Variants in DLG2 observed in about 807,000 individuals in gnomAD.
DLG2 encodes disks large homolog 2.
In DLG2, 45 loss-of-function variants were observed where a neutral mutation model predicts 132.5. The ratio of observed to expected loss-of-function variants is 0.34; its 90% CI spans 0.27 to 0.44. The LOEUF (loss-of-function observed/expected upper bound fraction) is 0.44, where lower values mean the gene tolerates loss of function less well. DLG2 is among the 20% of genes least tolerant of loss of function. The pLI, the probability that DLG2 is intolerant of heterozygous loss-of-function variation, is 1.00. For synonymous variants in DLG2, 424 were observed against 419.6 expected (o/e 1.01, Z -0.13); for missense variants, 1,045 against 1,196.9 (o/e 0.87, Z 1.87).
chr11:83,948,990 GA>G (rs1178378360), intron 14 of DLG2, among the ~76,000 whole-genome samples: 1 of 152,104 alleles, frequency 6.6e-6, no homozygotes, highest in Non-Finnish European at 1.5e-5. Flanking sequence ...ATATTTTATG[GA>G]AAATACTTAG....
intron 8 of DLG2, among the ~76,000 whole-genome samples, chr11:84,187,138 A>C (rs542675431): frequency 6.7e-6 from 1 of 149,970 alleles, no homozygotes; most frequent in African/African-American, 2.4e-5. Flanking sequence ...TAAGTAAAGT[A>C]TTATATATAA....
In DLG2 at chr11:83,518,224, G is replaced by A. The variant is rs563728737; in HGVS notation, c.2193+14484C>T. Among the ~76,000 whole-genome samples, 136 of 152,292 alleles carry A rather than the reference G, an allele frequency of 8.9e-4. 2 individuals carry two copies. The highest frequency in any genetic ancestry group is 7.5e-3 in the South Asian group (36 of 4,828). ...CCTACTCAAGCCTTGGCAATGGCGG[G>A]AGCCCCTCCCCCAGCCTTGCTGCCA... On this transcript the variant is annotated intron_variant, in intron 21 of 27. Transcript: ENST00000376104.
chr11:84,443,737 T>C (rs566820211), intron 7 of DLG2, among the ~76,000 whole-genome samples: 16 of 152,188 alleles, frequency 1.1e-4, no homozygotes, highest in Non-Finnish European at 2.1e-4. Context: ...AATAGGGTTA[T>C]ATTTTTCTTA....
chr11:85,148,259 G>A (rs1379483281), intron 5 of DLG2, among the ~76,000 whole-genome samples: 1 of 152,052 alleles, frequency 6.6e-6, no homozygotes, highest in Admixed American at 6.6e-5. Flanking sequence ...ATTCCTTTGG[G>A]TATATACCTA....
intron 12 of DLG2, among the ~76,000 whole-genome samples, chr11:83,970,292 C>A (rs1461617338): frequency 6.6e-6 from 1 of 152,156 alleles, no homozygotes; most frequent in Non-Finnish European, 1.5e-5. Flanking sequence ...TTACCTTCAA[C>A]AACATTTTCA....
chr11:84,195,852 A>G, intron 8 of DLG2, among the ~76,000 whole-genome samples: 1 of 152,106 alleles, frequency 6.6e-6, no homozygotes, highest in East Asian at 1.9e-4. Flanking sequence ...TGTTTATTTA[A>G]TGTTGGTTTC....
At chr11:84,348,422 GAAGA>G (rs759915772) in intron 7 of DLG2, among the ~76,000 whole-genome samples, 1 of 152,110 alleles carries the variant, frequency 6.6e-6, no homozygotes, top group African/African-American at 2.4e-5. Flanking sequence ...TTCTATCCAA[GAAGA>G]AAGATATTCC....
chr11:85,280,881 A>T (rs1426799015), intron 4 of DLG2, among the ~76,000 whole-genome samples: 6 of 151,960 alleles, frequency 3.9e-5, no homozygotes, highest in African/African-American at 1.2e-4. Flanking sequence ...AAGGTCATTT[A>T]TTTTTTATTC....
At chr11:85,393,563 C>T (rs987672117) in intron 3 of DLG2, among the ~76,000 whole-genome samples, 4 of 151,570 alleles carry the variant, frequency 2.6e-5, no homozygotes, top group African/African-American at 9.7e-5. Flanking sequence ...AATGGACCAG[C>T]CCAAATGCCC....
chr11:83,735,378 G>A (rs1416972718), intron 18 of DLG2, among the ~76,000 whole-genome samples: 1 of 152,212 alleles, frequency 6.6e-6, no homozygotes, highest in East Asian at 1.9e-4. Context: ...CAGGCAGAGA[G>A]GTGGAATCCT....
chr11:83,791,944 A>T (rs1293303019), intron 17 of DLG2, among the ~76,000 whole-genome samples: 1 of 152,184 alleles, frequency 6.6e-6, no homozygotes, highest in African/African-American at 2.4e-5. Flanking sequence ...CTCTCCTTAC[A>T]TACATATTTT....
At chr11:84,302,046 C>T (rs796337635) in intron 7 of DLG2, among the ~76,000 whole-genome samples, 1 of 152,136 alleles carries the variant, frequency 6.6e-6, no homozygotes, top group African/African-American at 2.4e-5. Context: ...ACATCCTTTG[C>T]AGGGACATGG....
At position 84,705,279 on chromosome 11, in the gene DLG2, G is replaced by T. The variant is rs536881414; in HGVS notation, c.358-170548C>A. Among the ~76,000 whole-genome samples the T allele has an allele frequency of 9.9e-5, 15 of 151,768 alleles. No individual in the cohort carries two copies. The South Asian group carries it at 2.7e-3, about 27-fold the overall frequency. On this transcript the variant is annotated intron_variant, in intron 6 of 27. Coordinates refer to ENST00000376104, the MANE Select transcript of DLG2 (RefSeq NM_001142699.3). ...AATTTTCCAGAGATTTCCTTCCCCT[G>T]GACTATCTCATGCCTACATGTCTAA...
intron 3 of DLG2, among the ~76,000 whole-genome samples, chr11:85,389,606 A>G (rs2086632183): frequency 6.6e-6 from 1 of 152,166 alleles, no homozygotes; most frequent in Non-Finnish European, 1.5e-5. Flanking sequence ...GAGCTACAAG[A>G]CAAAATCATC....
At chr11:84,207,081 C>CTCTA (rs148707321) in intron 8 of DLG2, among the ~76,000 whole-genome samples, 45,074 of 146,702 alleles carry the variant, frequency 0.31, 7,550 homozygotes, top group Non-Finnish European at 0.37. Flanking sequence ...CTCTCTCTCT[C>CTCTA]TATATATATA....
At chr11:84,742,807 C>T (rs2064855482) in intron 6 of DLG2, among the ~76,000 whole-genome samples, 1 of 152,106 alleles carries the variant, frequency 6.6e-6, no homozygotes, top group African/African-American at 2.4e-5. Flanking sequence ...GCCTATTCAT[C>T]CCTTTACCTA....
chr11:85,460,835 C>G (rs985244661), intron 3 of DLG2, among the ~76,000 whole-genome samples: 2 of 152,148 alleles, frequency 1.3e-5, no homozygotes, highest in Non-Finnish European at 2.9e-5. Flanking sequence ...GGTTAGACAT[C>G]TTGTAATTTA....
At chr11:83,537,759 G>A (rs2095922233) in intron 20 of DLG2, among the ~76,000 whole-genome samples, 1 of 131,944 alleles carries the variant, frequency 7.6e-6, no homozygotes, top group Non-Finnish European at 1.6e-5. Context: ...AGGTTGCAGT[G>A]AGTTGGGATT....
intron 17 of DLG2, among the ~76,000 whole-genome samples, chr11:83,813,654 A>G (rs973243578): frequency 6.6e-6 from 1 of 152,144 alleles, no homozygotes; most frequent in Non-Finnish European, 1.5e-5. Context: ...CCTGTTACGA[A>G]CTCTTGCTTT....
Sources: allele counts gnomAD v4.1 joint callset (sites outside exome capture counted in the v4.1 genomes callset), GRCh38; gene constraint gnomAD v4.1.1; transcripts MANE v1.5; gene names NCBI Gene and HGNC (gene_info 2026-07-23, HGNC 2026-07-21).